HECTD4: variants seen among roughly 807,000 people sequenced by gnomAD.
The protein encoded by HECTD4 is HECT domain E3 ubiquitin protein ligase 4.
A neutral mutation model predicts 471.5 loss-of-function variants in HECTD4; 114 were observed. The observed-to-expected ratio is 0.24, with a 90% CI of 0.21 to 0.28. The LOEUF is 0.28. HECTD4 is among the 10% of genes least tolerant of loss of function. HECTD4 has a pLI of 1.00. For missense variants in HECTD4, 3,866 were observed against 5,651.5 expected, an observed-to-expected ratio of 0.68 and a Z score of 10.13; for synonymous variants, 2,012 against 2,256.0, an observed-to-expected ratio of 0.89 and a Z score of 3.07.
chr12:112,208,893 CTTTTTTTTTT>C (rs756330403), intron 50 of HECTD4, among the ~76,000 whole-genome samples: 8 of 72,458 alleles, frequency 1.1e-4, no homozygotes, highest in Middle Eastern at 8.9e-3. Context: ...ACTAAACAGG[CTTTTTTTTTT>C]TTTTTTTTTT....
At position 112,272,669 on chromosome 12, in the gene HECTD4, A is replaced by G. The variant is rs182046695; in HGVS notation, c.1942+986T>C. Among the ~76,000 whole-genome samples the G allele has an allele frequency of 2.0e-3, 295 of 149,462 alleles. 6 individuals carry two copies. Among genetic ancestry groups the G allele is most frequent in the East Asian group, 4.4e-3 (22 of 5,030 alleles). ...TCTGTGTAGATGTGTGGTCCCCCAC[A>G]GCTTTCTCACTATCCAGATCTCACT... On this transcript the variant is annotated intron_variant, in intron 11 of 75. Transcript: ENST00000682272.
At chr12:112,257,130 A>G (rs2034031763) in intron 20 of HECTD4, among the ~76,000 whole-genome samples, 1 of 152,240 alleles carries the variant, frequency 6.6e-6, no homozygotes, top group Admixed American at 6.5e-5. Flanking sequence ...CTTAGTTACC[A>G]TGGAATTCTC....
At chr12:112,229,317 ACT>A (rs1301887109) in intron 41 of HECTD4, among the ~76,000 whole-genome samples, 1 of 150,604 alleles carries the variant, frequency 6.6e-6, no homozygotes, top group African/African-American at 2.5e-5. Context: ...ACAGAGCAAG[ACT>A]CTGTCTCAAA....
rs1367657720 is a variant in HECTD4, at chr12:112,167,951, G to A, written c.12209-34C>T. 31 of 1,556,530 alleles carry A rather than the reference G, an allele frequency of 2.0e-5. No homozygotes were observed. The Admixed American group carries it at 5.0e-4, about 25-fold the overall frequency. ...CAGACGAGACACATGGGCACCTGGGGTGTCCCGGCGGGAGGCGACACCGTT... is the reference window on the plus strand; with the variant it reads ...CAGACGAGACACATGGGCACCTGGGATGTCCCGGCGGGAGGCGACACCGTT... On this transcript the variant is annotated intron_variant, in intron 70 of 75. Coordinates refer to ENST00000682272, the MANE Select transcript of HECTD4 (RefSeq NM_001388303.1).
At chr12:112,278,550 T>C (rs1398739514) in intron 9 of HECTD4, among the ~76,000 whole-genome samples, 2 of 152,254 alleles carry the variant, frequency 1.3e-5, no homozygotes, top group Non-Finnish European at 1.5e-5. Flanking sequence ...TAGTATTTTG[T>C]ATATGTGTCC....
intron 6 of HECTD4, 125 bp from the exon 7 acceptor site, chr12:112,306,359 A>G: frequency 1.3e-6 from 1 of 753,920 alleles, no homozygotes; most frequent in Non-Finnish European, 1.9e-6. Context: ...TCAAAATAAA[A>G]TGGATATTTA....
chr12:112,279,201 A>C, intron 9 of HECTD4, 27 bp downstream of exon 9: 1 of 1,585,678 alleles, frequency 6.3e-7, no homozygotes. Context: ...TAAATCGAGG[A>C]AAGTGCCACA....
chr12:112,310,384 A>G (rs2135687433), intron 4 of HECTD4, among the ~76,000 whole-genome samples: 2 of 152,344 alleles, frequency 1.3e-5, no homozygotes, highest in South Asian at 2.1e-4. Flanking sequence ...TAAAACAGCA[A>G]TATGTTTCCC....
intron 7 of HECTD4, among the ~76,000 whole-genome samples, chr12:112,288,457 A>T (rs977102036): frequency 2.3e-4 from 35 of 152,002 alleles, no homozygotes; most frequent in African/African-American, 8.0e-4. Flanking sequence ...CTCAGTCTAT[A>T]AAAAAAATAT....
At chr12:112,248,741 C>T (rs1372772124) in intron 25 of HECTD4, among the ~76,000 whole-genome samples, 1 of 152,066 alleles carries the variant, frequency 6.6e-6, no homozygotes, top group Non-Finnish European at 1.5e-5. Context: ...CTGCCATGCT[C>T]AGCTAATTTA....
chr12:112,349,823 T>A (rs2036221061), intron 1 of HECTD4, among the ~76,000 whole-genome samples: 2 of 152,112 alleles, frequency 1.3e-5, no homozygotes, highest in Non-Finnish European at 2.9e-5. Context: ...AGGAGAAAAA[T>A]TAGTTTGATT....
chr12:112,323,118 C>T (rs1280134038), intron 1 of HECTD4: 1 of 189,690 alleles, frequency 5.3e-6, no homozygotes, highest in East Asian at 1.7e-4. Flanking sequence ...TGGCTCATGC[C>T]TGTTATCCCA....
intron 6 of HECTD4, among the ~76,000 whole-genome samples, chr12:112,308,456 AAC>A (rs2035309907): frequency 3.4e-5 from 5 of 148,210 alleles, no homozygotes; most frequent in Admixed American, 2.7e-4. Context: ...ACAAAAACAA[AAC>A]AAAAAAAAAA....
In HECTD4 at chr12:112,353,319, T is replaced by C. The variant is rs7954620; in HGVS notation, c.177+28633A>G. On this transcript the variant is annotated intron_variant, in intron 1 of 75. Coordinates refer to ENST00000682272, the MANE Select transcript of HECTD4 (RefSeq NM_001388303.1). ...TCTTTCTAGGCTAATGGATATTTTA[T>C]CAAACCTGTCTTATTTCCCTAAATT... 0.055 allele frequency among the ~76,000 whole-genome samples: 8,439 copies of C among 152,272 alleles called. 1,293 individuals are homozygous for C. The East Asian group carries it at 0.61, about 11-fold the overall frequency.
chr12:112,367,357 A>G (rs73209617), intron 1 of HECTD4, among the ~76,000 whole-genome samples: 13,203 of 151,422 alleles, frequency 0.087, 794 homozygotes, highest in South Asian at 0.31. Flanking sequence ...AAAACAAAAC[A>G]AAAGGCTGAA....
intron 25 of HECTD4, 63 bp downstream of exon 25, chr12:112,250,081 C>A (rs760191112): frequency 2.8e-6 from 3 of 1,071,242 alleles, no homozygotes; most frequent in South Asian, 1.4e-5. Context: ...GAAATATACC[C>A]ATTTCAATTG....
intron 17 of HECTD4, 88 bp from the exon 18 acceptor site, chr12:112,261,517 G>GT: frequency 7.8e-7 from 1 of 1,285,878 alleles, no homozygotes; most frequent in Non-Finnish European, 1.1e-6. Flanking sequence ...ATTTAATGAT[G>GT]TATTTCCAAA....
At chr12:112,368,787 C>T (rs1409926985) in intron 1 of HECTD4, among the ~76,000 whole-genome samples, 1 of 152,126 alleles carries the variant, frequency 6.6e-6, no homozygotes, top group African/African-American at 2.4e-5. Flanking sequence ...TTTTCAACAA[C>T]ATCCCTGTAT....
At chr12:112,309,762 T>C (rs1223186870) in intron 4 of HECTD4, 93 bp from the exon 5 acceptor site, 1 of 592,726 alleles carries the variant, frequency 1.7e-6, no homozygotes, top group African/African-American at 1.9e-5. Flanking sequence ...ATTAGGAGGT[T>C]GAGTGAAAGA....
Sources: allele counts gnomAD v4.1 joint callset (sites outside exome capture counted in the v4.1 genomes callset), GRCh38; gene constraint gnomAD v4.1.1; transcripts MANE v1.5; gene names NCBI Gene and HGNC (gene_info 2026-07-23, HGNC 2026-07-21).